Variants in NCALD observed in about 807,000 individuals in gnomAD.
NCALD encodes the protein neurocalcin delta.
In NCALD, 10 loss-of-function variants were observed where a neutral mutation model predicts 18.6. The observed-to-expected ratio is 0.54, with a 90% CI of 0.33 to 0.91. The LOEUF (loss-of-function observed/expected upper bound fraction) is 0.91. Ranked by LOEUF, NCALD falls within the 40% of genes least tolerant of loss-of-function variation. NCALD has a pLI of 0.03. For missense variants in NCALD, 184 were observed against 247.6 expected, an observed-to-expected ratio of 0.74 and a Z score of 1.72; for synonymous variants, 88 against 87.4, an observed-to-expected ratio of 1.01 and a Z score of -0.04.
chr8:101,795,472 G>A (rs7015311), upstream of NCALD, among the ~76,000 whole-genome samples: 121,540 of 152,086 alleles, frequency 0.8, 48,712 homozygotes, highest in African/African-American at 0.85. Flanking sequence ...CCTAGATGGC[G>A]CCTTCAAGCT....
intron 1 of NCALD, among the ~76,000 whole-genome samples, chr8:101,748,510 C>A (rs912624543): frequency 6.6e-6 from 1 of 152,120 alleles, no homozygotes; most frequent in Non-Finnish European, 1.5e-5. Flanking sequence ...GAATATGAGG[C>A]CTTTCTCCAT....
Position 101,752,960 on chromosome 8 carries a change from A to G in NCALD, c.-19-33312T>C, listed in dbSNP as rs193137907. On this transcript the variant is annotated intron_variant, in intron 1 of 3. Coordinates refer to ENST00000220931, the MANE Select transcript of NCALD (RefSeq NM_032041.3). ...TCTAAATCTCTGAAATTCAACATGT[A>G]TTTTATTCTTACAAGCCATCCCAAT... 5.3e-5 allele frequency among the ~76,000 whole-genome samples: 8 copies of G among 152,234 alleles called. No homozygotes were observed. In the East Asian group the frequency reaches 1.5e-3, roughly 29 times the overall value.
At chr8:101,739,076 T>A (rs372832879) in intron 1 of NCALD, among the ~76,000 whole-genome samples, 18 of 152,112 alleles carry the variant, frequency 1.2e-4, no homozygotes, top group African/African-American at 4.1e-4. Context: ...AATGTCTCCA[T>A]CCCCAATATT....
intron 1 of NCALD, among the ~76,000 whole-genome samples, chr8:102,097,137 C>T (rs903109156): frequency 4.6e-5 from 7 of 152,296 alleles, no homozygotes; most frequent in Admixed American, 1.3e-4. Flanking sequence ...ACCACCAGTT[C>T]CCAGATAGCT....
intron 1 of NCALD, among the ~76,000 whole-genome samples, chr8:101,731,718 T>C (rs534897756): frequency 4.8e-4 from 73 of 152,214 alleles, no homozygotes; most frequent in African/African-American, 1.6e-3. Context: ...TTGCTTGAAA[T>C]TCAACTCCTG....
At chr8:102,063,033 A>G (rs960645461) in intron 1 of NCALD, among the ~76,000 whole-genome samples, 2 of 152,234 alleles carry the variant, frequency 1.3e-5, no homozygotes, top group African/African-American at 2.4e-5. Flanking sequence ...ACTTAAATAT[A>G]TAGAAATACA....
intron 4 of NCALD, among the ~76,000 whole-genome samples, chr8:101,796,498 G>C (rs1237208922): frequency 6.6e-6 from 1 of 151,800 alleles, no homozygotes; most frequent in Non-Finnish European, 1.5e-5. Context: ...TTTTAAAAAA[G>C]GAAAATATTA....
At chr8:102,111,443 G>GTGT (rs1825637835) in intron 1 of NCALD, among the ~76,000 whole-genome samples, 2 of 120,406 alleles carry the variant, frequency 1.7e-5, no homozygotes, top group African/African-American at 5.8e-5. Flanking sequence ...TGTGTGTGTG[G>GTGT]TGTGCACATG....
chr8:102,053,255 AAT>A (rs1320519354), intron 1 of NCALD, among the ~76,000 whole-genome samples: 2 of 152,336 alleles, frequency 1.3e-5, no homozygotes, highest in Admixed American at 6.5e-5. Flanking sequence ...AATCTAATTT[AAT>A]ATGTCCTCTC....
chr8:101,744,669 T>C (rs1257606111), intron 1 of NCALD, among the ~76,000 whole-genome samples: 2 of 152,194 alleles, frequency 1.3e-5, no homozygotes, highest in Non-Finnish European at 2.9e-5. Flanking sequence ...TGGAAATTTC[T>C]ACTAAGCACG....
chr8:101,971,195 C>A (rs1160704738), intron 2 of NCALD, among the ~76,000 whole-genome samples: 1 of 152,082 alleles, frequency 6.6e-6, no homozygotes, highest in African/African-American at 2.4e-5. Context: ...TCTGTTACAG[C>A]CACACAGAAT....
At chr8:102,052,491 C>T (rs1443561092) in intron 1 of NCALD, among the ~76,000 whole-genome samples, 1 of 152,246 alleles carries the variant, frequency 6.6e-6, no homozygotes, top group African/African-American at 2.4e-5. Context: ...ACTTCTCCCT[C>T]TCAAAAGTAT....
chr8:101,899,809 T>C (rs1817352981), intron 3 of NCALD, among the ~76,000 whole-genome samples: 1 of 151,940 alleles, frequency 6.6e-6, no homozygotes, highest in South Asian at 2.1e-4. Flanking sequence ...TCTATCTTTA[T>C]AAGAGTAGTT....
intron 2 of NCALD, among the ~76,000 whole-genome samples, chr8:101,982,958 C>A (rs908328648): frequency 6.6e-6 from 1 of 152,120 alleles, no homozygotes; most frequent in Non-Finnish European, 1.5e-5. Context: ...TCTTCCCTTC[C>A]ATCTTGGGCA....
intron 2 of NCALD, among the ~76,000 whole-genome samples, chr8:101,997,394 C>G (rs763013983): frequency 1.3e-5 from 2 of 151,148 alleles, no homozygotes; most frequent in African/African-American, 2.4e-5. Context: ...TTTCCTGGAA[C>G]CTTTTAGATG....
intron 4 of NCALD, among the ~76,000 whole-genome samples, chr8:101,879,579 G>C (rs1185254033): frequency 6.6e-6 from 1 of 152,144 alleles, no homozygotes; most frequent in Non-Finnish European, 1.5e-5. Flanking sequence ...GACCTCAACG[G>C]GTTACAACGG....
At chr8:102,101,603 TG>T (rs2132415038) in intron 1 of NCALD, among the ~76,000 whole-genome samples, 1 of 152,300 alleles carries the variant, frequency 6.6e-6, no homozygotes, top group Non-Finnish European at 1.5e-5. Context: ...CAAGTGGAAA[TG>T]GGGTGTTTTA....
intron 2 of NCALD, among the ~76,000 whole-genome samples, chr8:101,998,265 T>C (rs1030920393): frequency 6.6e-6 from 1 of 152,232 alleles, no homozygotes; most frequent in African/African-American, 2.4e-5. Context: ...ATTTACTCGT[T>C]AATTTAATGC....
At chr8:101,794,622 C>T (rs7842469), upstream of NCALD, among the ~76,000 whole-genome samples, 9,887 of 152,122 alleles carry the variant, frequency 0.065, 1,074 homozygotes, top group African/African-American at 0.22. Flanking sequence ...TAACTGACAT[C>T]GAGTGCTTAC....
Sources: gnomAD v4.1 joint callset for allele counts (sites outside exome capture counted in the v4.1 genomes callset) on GRCh38, gnomAD v4.1.1 for gene constraint, MANE v1.5 for transcripts, NCBI Gene and HGNC (gene_info 2026-07-23, HGNC 2026-07-21) for gene names.